CSMD1: variants seen among roughly 807,000 people sequenced by gnomAD.
CSMD1 encodes CUB and sushi domain-containing protein 1.
In CSMD1, 213 loss-of-function variants were observed where a neutral mutation model predicts 417.5. That is an observed-to-expected ratio of 0.51 (90% CI 0.46 to 0.57). The LOEUF (loss-of-function observed/expected upper bound fraction) is 0.57, where lower values mean the gene tolerates loss of function less well. CSMD1 is among the 20% of genes least tolerant of loss of function. CSMD1 has a pLI of 0.00. For synonymous variants in CSMD1, 2,862 were observed against 1,736.8 expected, an observed-to-expected ratio of 1.65 and a Z score of -16.11; for missense variants, 6,923 against 4,529.7, an observed-to-expected ratio of 1.53 and a Z score of -15.17.
intron 9 of CSMD1, among the ~76,000 whole-genome samples, chr8:3,575,949 G>A (rs1024379329): frequency 6.6e-6 from 1 of 151,808 alleles, no homozygotes; most frequent in Non-Finnish European, 1.5e-5. Context: ...AGGAGCAGAA[G>A]AAACTAATTT....
In CSMD1 at chr8:3,966,446, A is replaced by G. The variant is rs1345268180; in HGVS notation, c.818+31457T>C. 2.6e-5 allele frequency among the ~76,000 whole-genome samples: 4 copies of G among 152,110 alleles called. 1 individual carries two copies. The highest frequency in any genetic ancestry group is 1.9e-4 in the East Asian group (1 of 5,196). ...AGGTATTATATATAATTACCTACATATATTTTTTATAGATATATGTTTCCA... is the reference window on the plus strand; with the variant it reads ...AGGTATTATATATAATTACCTACATGTATTTTTTATAGATATATGTTTCCA... On this transcript the variant is annotated intron_variant, in intron 5 of 69. Transcript: ENST00000635120.
chr8:3,172,428 C>T (rs186275196), intron 37 of CSMD1, among the ~76,000 whole-genome samples: 264 of 152,252 alleles, frequency 1.7e-3, no homozygotes, highest in South Asian at 7.7e-3. Flanking sequence ...CTCAGAACCC[C>T]GCCAATTTGC....
At chr8:3,951,124 G>A (rs1004620572) in intron 5 of CSMD1, among the ~76,000 whole-genome samples, 4 of 152,164 alleles carry the variant, frequency 2.6e-5, no homozygotes, top group Non-Finnish European at 4.4e-5. Flanking sequence ...TTTATAGGCA[G>A]GAGATGTCTC....
chr8:3,640,119 C>A (rs961299426), intron 7 of CSMD1, among the ~76,000 whole-genome samples: 1 of 152,044 alleles, frequency 6.6e-6, no homozygotes, highest in African/African-American at 2.4e-5. Context: ...TCCTTTTTTC[C>A]ACCTGTCCCA....
intron 23 of CSMD1, among the ~76,000 whole-genome samples, chr8:3,336,460 G>A (rs1807268641): frequency 6.6e-6 from 1 of 152,120 alleles, no homozygotes; most frequent in African/African-American, 2.4e-5. Flanking sequence ...CATTTCATAT[G>A]TGTTTTCTAC....
chr8:4,885,419 G>A (rs73659223), intron 1 of CSMD1, among the ~76,000 whole-genome samples: 2,607 of 152,134 alleles, frequency 0.017, 100 homozygotes, highest in African/African-American at 0.059. Context: ...CCTGATCTTA[G>A]GGGGAAAGCG....
intron 2 of CSMD1, among the ~76,000 whole-genome samples, chr8:4,521,583 G>A (rs1047335390): frequency 7.2e-5 from 11 of 152,068 alleles, no homozygotes; most frequent in African/African-American, 2.7e-4. Flanking sequence ...TTATTTCATT[G>A]ATGGATACAA....
chr8:4,909,927 T>A (rs999714752), intron 1 of CSMD1, among the ~76,000 whole-genome samples: 1 of 152,202 alleles, frequency 6.6e-6, no homozygotes, highest in Non-Finnish European at 1.5e-5. Flanking sequence ...GTGAGCCCTT[T>A]ACACGACTAG....
intron 1 of CSMD1, among the ~76,000 whole-genome samples, chr8:4,887,827 G>C (rs916483595): frequency 6.6e-6 from 1 of 151,560 alleles, no homozygotes; most frequent in Non-Finnish European, 1.5e-5. Flanking sequence ...AGTCTTTTTT[G>C]AGCAGTGTTC....
rs140447699 is a variant in CSMD1, at chr8:4,474,708, C to T, written c.303-54643G>A. Among the ~76,000 whole-genome samples the T allele has an allele frequency of 2.7e-3, 406 of 152,240 alleles. 4 individuals are homozygous for T. Among genetic ancestry groups the T allele is most frequent in the Middle Eastern group, 6.8e-3 (2 of 294 alleles). On this transcript the variant is annotated intron_variant, in intron 2 of 69. Coordinates refer to ENST00000635120, the MANE Select transcript of CSMD1 (RefSeq NM_033225.6). ...ATCTCAACTGAGCAGTTTACTCCCACGTGGACTTTCTTCTCCCTCTGCCAT... is the reference window on the plus strand; with the variant it reads ...ATCTCAACTGAGCAGTTTACTCCCATGTGGACTTTCTTCTCCCTCTGCCAT...
At chr8:3,963,221 C>T (rs1380584690) in intron 5 of CSMD1, among the ~76,000 whole-genome samples, 3 of 152,092 alleles carry the variant, frequency 2.0e-5, no homozygotes, top group East Asian at 3.9e-4. Flanking sequence ...CTTGAGCCAC[C>T]GCACCCGGCC....
intron 3 of CSMD1, among the ~76,000 whole-genome samples, chr8:4,355,302 T>G (rs543726881): frequency 7.7e-5 from 11 of 143,160 alleles, no homozygotes; most frequent in South Asian, 2.4e-4. Context: ...AACAAACCAC[T>G]TCATACACAC....
chr8:2,995,904 T>G (rs531474110), intron 54 of CSMD1, among the ~76,000 whole-genome samples: 1 of 152,096 alleles, frequency 6.6e-6, no homozygotes, highest in South Asian at 2.1e-4. Context: ...AAGAATGAGG[T>G]TGGGATGCGT....
intron 8 of CSMD1, among the ~76,000 whole-genome samples, chr8:3,613,606 G>A (rs1449662176): frequency 6.6e-6 from 1 of 151,474 alleles, no homozygotes; most frequent in Non-Finnish European, 1.5e-5. Context: ...AGGGAAATTA[G>A]TTAAGCCCTC....
At chr8:4,219,719 C>T (rs1300971625) in intron 3 of CSMD1, among the ~76,000 whole-genome samples, 1 of 152,144 alleles carries the variant, frequency 6.6e-6, no homozygotes. Flanking sequence ...TGGGGACTGT[C>T]TTCACAATGT....
chr8:4,633,452 T>C (rs1236040639), intron 2 of CSMD1, among the ~76,000 whole-genome samples: 1 of 152,020 alleles, frequency 6.6e-6, no homozygotes, highest in Non-Finnish European at 1.5e-5. Flanking sequence ...GGTTTCACCG[T>C]GTTAGCCAGG....
chr8:4,938,088 T>TCCCC (rs1029653260), intron 1 of CSMD1, among the ~76,000 whole-genome samples: 122 of 152,276 alleles, frequency 8.0e-4, no homozygotes, highest in African/African-American at 2.9e-3. Flanking sequence ...TTTTATCCCT[T>TCCCC]TTAGTAGCAA....
At chr8:4,200,677 A>T (rs1040165680) in intron 3 of CSMD1, among the ~76,000 whole-genome samples, 2 of 152,246 alleles carry the variant, frequency 1.3e-5, no homozygotes, top group Admixed American at 6.5e-5. Flanking sequence ...GCAAGGTAGG[A>T]AGACCGCACC....
intron 9 of CSMD1, among the ~76,000 whole-genome samples, chr8:3,578,128 G>A (rs1365356338): frequency 6.6e-6 from 1 of 152,214 alleles, no homozygotes; most frequent in Non-Finnish European, 1.5e-5. Context: ...CACACCCACT[G>A]TCTTCCCTCC....
Sources: allele counts gnomAD v4.1 joint callset (sites outside exome capture counted in the v4.1 genomes callset), GRCh38; gene constraint gnomAD v4.1.1; transcripts MANE v1.5; gene names NCBI Gene and HGNC (gene_info 2026-07-23, HGNC 2026-07-21).